Variants in CSMD1 observed in about 807,000 individuals in gnomAD.
CSMD1 encodes the protein CUB and sushi domain-containing protein 1.
Under a neutral mutation model 417.5 loss-of-function variants are expected in CSMD1, and 213 were observed. That is an observed-to-expected ratio of 0.51 (90% CI 0.46 to 0.57). The LOEUF is 0.57. Ranked by LOEUF, CSMD1 falls within the 20% of genes least tolerant of loss-of-function variation. The probability of loss-of-function intolerance (pLI) is 0.00; values close to 1 mark genes in which losing one functional copy is unlikely to be tolerated. For synonymous variants in CSMD1, 2,862 were observed against 1,736.8 expected (o/e 1.65, Z -16.11); for missense variants, 6,923 against 4,529.7 (o/e 1.53, Z -15.17).
intron 23 of CSMD1, among the ~76,000 whole-genome samples, chr8:3,325,232 G>A (rs746128835): frequency 6.6e-6 from 1 of 152,144 alleles, no homozygotes; most frequent in South Asian, 2.1e-4. Context: ...TCCTACAAAT[G>A]AACCTTGCAA....
At chr8:4,658,210 A>C (rs188099346) in intron 1 of CSMD1, among the ~76,000 whole-genome samples, 8 of 152,286 alleles carry the variant, frequency 5.3e-5, no homozygotes, top group Admixed American at 3.9e-4. Flanking sequence ...CAAATTTCCA[A>C]AATTTACTAA....
At chr8:4,258,342 GGAGGGAGA>G (rs1803610236) in intron 3 of CSMD1, among the ~76,000 whole-genome samples, 1 of 71,410 alleles carries the variant, frequency 1.4e-5, no homozygotes, top group African/African-American at 6.2e-5. Flanking sequence ...GGGAGGGAGG[GGAGGGAGA>G]AAGAGAAGGA....
At chr8:3,010,161 A>G (rs1041815434) in intron 52 of CSMD1, among the ~76,000 whole-genome samples, 3 of 152,152 alleles carry the variant, frequency 2.0e-5, no homozygotes, top group African/African-American at 7.2e-5. Flanking sequence ...AGAGCTGCCC[A>G]TTCATACAGG....
chr8:3,808,418 A>C (rs969511858), intron 5 of CSMD1, among the ~76,000 whole-genome samples: 1 of 152,164 alleles, frequency 6.6e-6, no homozygotes, highest in Non-Finnish European at 1.5e-5. Context: ...TTTACTACTC[A>C]ACCAAAACTC....
chr8:3,066,718 G>C (rs1004495032), intron 49 of CSMD1, among the ~76,000 whole-genome samples: 6 of 152,252 alleles, frequency 3.9e-5, no homozygotes, highest in African/African-American at 1.4e-4. Flanking sequence ...GGTCATAAGG[G>C]AGATTACCAA....
intron 3 of CSMD1, among the ~76,000 whole-genome samples, chr8:4,061,973 C>T (rs1434717169): frequency 1.3e-5 from 2 of 152,048 alleles, no homozygotes; most frequent in South Asian, 2.1e-4. Context: ...TCAGGGGATG[C>T]CAAACCCCCT....
chr8:4,751,672 T>G (rs1250357829), intron 1 of CSMD1, among the ~76,000 whole-genome samples: 5 of 152,170 alleles, frequency 3.3e-5, no homozygotes, highest in Non-Finnish European at 7.3e-5. Flanking sequence ...TTTTAACATT[T>G]TTAATGGTCA....
At chr8:3,884,976 C>CAT (rs150695435) in intron 5 of CSMD1, among the ~76,000 whole-genome samples, 5,362 of 148,016 alleles carry the variant, frequency 0.036, 272 homozygotes, top group African/African-American at 0.12. Context: ...AGGCATCATT[C>CAT]ATATATATAT....
intron 3 of CSMD1, among the ~76,000 whole-genome samples, chr8:4,157,701 G>A (rs1035224632): frequency 2.0e-5 from 3 of 152,218 alleles, no homozygotes; most frequent in Non-Finnish European, 4.4e-5. Flanking sequence ...GGCCTTGGGT[G>A]GGTCTGCACA....
chr8:4,325,670 C>T (rs982246531), intron 3 of CSMD1, among the ~76,000 whole-genome samples: 2 of 152,148 alleles, frequency 1.3e-5, no homozygotes, highest in Non-Finnish European at 2.9e-5. Flanking sequence ...TCATGCTCAT[C>T]TCTAGGGCCA....
intron 1 of CSMD1, among the ~76,000 whole-genome samples, chr8:4,931,279 G>C (rs1038655201): frequency 6.6e-6 from 1 of 151,826 alleles, no homozygotes; most frequent in Admixed American, 6.6e-5. Flanking sequence ...CATTACTTTT[G>C]TTCTCTCCTT....
At chr8:3,716,140 C>T (rs1212928838) in intron 6 of CSMD1, among the ~76,000 whole-genome samples, 1 of 152,150 alleles carries the variant, frequency 6.6e-6, no homozygotes, top group Non-Finnish European at 1.5e-5. Flanking sequence ...TGTTTGGGTT[C>T]CTTCTAATTC....
rs143371052 is a variant in CSMD1 at position 2,962,562 on chromosome 8, A to C, written c.9532T>G (p.Phe3178Val). 615 of 1,613,912 alleles carry C rather than the reference A, an allele frequency of 3.8e-4. 1 individual carries two copies. In the African/African-American group the frequency reaches 6.7e-3, roughly 18 times the overall value. ...ATAAATGGAGATTTGCACTGGAAGA[A>C]GACTTCGGACTTATAGGTGAAACTT... ...GKSFTYKSEV[F>V]FQCKSPFILV... is the part of the protein sequence containing the mutation. The change falls in exon 61 of 70, where the codon TTC becomes GTC. Residue 3178 changes from phenylalanine to valine, a missense_variant. Physicochemically the swap from Phe to Val is conservative, Grantham distance 50. Coordinates refer to ENST00000635120, the MANE Select transcript of CSMD1 (RefSeq NM_033225.6).
At chr8:4,736,576 A>G (rs1160581377) in intron 1 of CSMD1, among the ~76,000 whole-genome samples, 1 of 152,204 alleles carries the variant, frequency 6.6e-6, no homozygotes, top group African/African-American at 2.4e-5. Flanking sequence ...CACTCAATCT[A>G]GGAAAATGGG....
chr8:4,525,379 C>G (rs1314227456), intron 2 of CSMD1, among the ~76,000 whole-genome samples: 1 of 152,146 alleles, frequency 6.6e-6, no homozygotes, highest in Non-Finnish European at 1.5e-5. Context: ...CACTCCCCTT[C>G]CACTCACAGC....
At chr8:3,973,227 C>G (rs74657258) in intron 5 of CSMD1, among the ~76,000 whole-genome samples, 374 of 152,308 alleles carry the variant, frequency 2.5e-3, no homozygotes, top group African/African-American at 8.5e-3. Flanking sequence ...CTACATAGAG[C>G]TGTTCCCTGG....
chr8:4,900,404 C>T (rs931843615), intron 1 of CSMD1, among the ~76,000 whole-genome samples: 2 of 152,184 alleles, frequency 1.3e-5, no homozygotes, highest in African/African-American at 2.4e-5. Flanking sequence ...GCCTCTGCAC[C>T]ATATCTATCA....
At chr8:3,763,562 G>A (rs1026505471) in intron 5 of CSMD1, among the ~76,000 whole-genome samples, 1 of 152,130 alleles carries the variant, frequency 6.6e-6, no homozygotes, top group Non-Finnish European at 1.5e-5. Flanking sequence ...AGCCAAGCAG[G>A]TGCTAGCCCC....
At position 2,937,769 on chromosome 8, in the gene CSMD1, A is replaced by G. The variant is rs962032776; in HGVS notation, c.*816T>C. The stretch of plus-strand genomic sequence containing the variant: ...TGTATTTCCTTTTAAAATCTGTGCC[A>G]TATCTAGGAATACTTTTCCCTAACA... On this transcript the variant is annotated 3_prime_UTR_variant, in exon 70 of 70. Transcript: ENST00000635120. 1 of 152,674 alleles carries G rather than the reference A, an allele frequency of 6.5e-6. No individual in the cohort carries two copies. The highest frequency in any genetic ancestry group is 1.5e-5 in the Non-Finnish European group (1 of 68,042). 9.5% of individuals were successfully genotyped at this position (152,674 alleles called of 1,614,324 possible). A position where few individuals can be genotyped will look rare whatever the true frequency, so the allele number is the denominator to read the frequency against.
Sources: allele counts gnomAD v4.1 joint callset (sites outside exome capture counted in the v4.1 genomes callset), GRCh38; gene constraint gnomAD v4.1.1; transcripts MANE v1.5; gene names NCBI Gene and HGNC (gene_info 2026-07-23, HGNC 2026-07-21).